Variants in DCAF4 observed in about 807,000 individuals in gnomAD.
DCAF4 encodes DDB1 and CUL4 associated factor 4, also known as DDB1- and CUL4-associated factor 4.
A neutral mutation model predicts 60.9 loss-of-function variants in DCAF4; 37 were observed. The observed-to-expected ratio is 0.61, with a 90% CI of 0.47 to 0.80. The LOEUF (loss-of-function observed/expected upper bound fraction) is 0.80. Ranked by LOEUF, DCAF4 falls within the 30% of genes least tolerant of loss-of-function variation. The pLI is 0.00. For synonymous variants in DCAF4, 243 were observed against 254.8 expected (o/e 0.95, Z 0.44); for missense variants, 577 against 650.0 (o/e 0.89, Z 1.22).
At chr14:72,932,224 C>T (rs1888673489) in intron 1 of DCAF4, among the ~76,000 whole-genome samples, 1 of 152,096 alleles carries the variant, frequency 6.6e-6, no homozygotes, top group East Asian at 1.9e-4. Flanking sequence ...CTCCTGACCT[C>T]AGGCGATCTG....
downstream of DCAF4, among the ~76,000 whole-genome samples, chr14:72,960,226 C>T (rs568446705): frequency 1.3e-5 from 2 of 151,844 alleles, no homozygotes; most frequent in Non-Finnish European, 2.9e-5. Flanking sequence ...GCGCTCTCAC[C>T]GCACCCTCCA....
intron 8 of DCAF4, among the ~76,000 whole-genome samples, chr14:72,948,076 G>C (rs375396587): frequency 9.2e-5 from 14 of 152,184 alleles, no homozygotes; most frequent in Admixed American, 3.3e-4. Context: ...TCCTGTGAAG[G>C]CACCTAGCAG....
chr14:72,928,978 G>GC (rs1035418650), intron 1 of DCAF4, among the ~76,000 whole-genome samples: 7 of 23,102 alleles, frequency 3.0e-4, no homozygotes, highest in East Asian at 9.2e-4. Flanking sequence ...CTACCTCCCA[G>GC]GGGAGGCGAG....
At chr14:72,949,648 G>A (rs929086461) in intron 8 of DCAF4, among the ~76,000 whole-genome samples, 2 of 151,942 alleles carry the variant, frequency 1.3e-5, no homozygotes, top group African/African-American at 4.8e-5. Flanking sequence ...CCAGCTATTC[G>A]GGAAGTTGAG....
In DCAF4 at chr14:72,954,428, A is replaced by G. The variant is rs1248130741; in HGVS notation, c.950A>G (p.His317Arg). 1 of 1,614,220 alleles carries G rather than the reference A, an allele frequency of 6.2e-7. No homozygotes were observed. The highest frequency in any genetic ancestry group is 8.5e-7 in the Non-Finnish European group (1 of 1,180,032). ...CTGTTGACCAACGTGGTGACGGGAC[A>G]CCGGCAGTCCTTTGGGACCAACAGT... Reference protein sequence around the residue: ...RVLLTNVVTGHRQSFGTNSDV... With the variant: ...RVLLTNVVTGRRQSFGTNSDV... Residue 317 changes from histidine (H) to arginine (R), a missense_variant, in exon 11 of 14, where the codon CAC becomes CGC. Coordinates refer to ENST00000358377, the MANE Select transcript of DCAF4 (RefSeq NM_015604.4).
chr14:72,947,323 T>C (rs1890863953), intron 8 of DCAF4, 132 bp downstream of exon 8: 2 of 1,073,066 alleles, frequency 1.9e-6, no homozygotes, highest in African/African-American at 3.1e-5. Flanking sequence ...CATCTCACGC[T>C]TTAGAAAAAA....
chr14:72,954,293 GAGGCCTTAAC>G, intron 10 of DCAF4, 31 bp downstream of exon 10: 1 of 1,613,636 alleles, frequency 6.2e-7, no homozygotes, highest in Non-Finnish European at 8.5e-7. Context: ...GCCCAGAGAA[GAGGCCTTAAC>G]AGGCCTTAAA....
intron 1 of DCAF4, among the ~76,000 whole-genome samples, chr14:72,927,778 T>C (rs1345847027): frequency 6.6e-6 from 1 of 152,148 alleles, no homozygotes; most frequent in Non-Finnish European, 1.5e-5. Flanking sequence ...ATTTGTAAAA[T>C]AGGATTGAAA....
At position 72,956,467 on chromosome 14, in the gene DCAF4, C is replaced by T. The variant is rs1384431721; in HGVS notation, c.1261C>T (p.His421Tyr). The change falls in exon 13 of 14, where the codon CAT becomes TAT. Residue 421 changes from histidine (H) to tyrosine (Y), a missense_variant. By Grantham distance (83) the His-to-Tyr change is moderately conservative. Transcript: ENST00000358377. ...HVNEYAYLPL[H>Y]VHEEEGILVA... is the part of the protein sequence containing the mutation. Reference sequence around the variant, plus strand: ...GAATGAGTACGCCTACCTGCCCCTGCATGTGCACGAGGAAGAAGGAATCCT... The same window carrying T: ...GAATGAGTACGCCTACCTGCCCCTGTATGTGCACGAGGAAGAAGGAATCCT... The T allele has an allele frequency of 6.8e-6, 11 of 1,613,344 alleles. No individual in the cohort carries two copies. Among genetic ancestry groups the T allele is most frequent in the Non-Finnish European group, 9.3e-6 (11 of 1,179,678 alleles).
At chr14:72,960,557 T>C (rs77152358), downstream of DCAF4, 12 of 1,017,786 alleles carry the variant, frequency 1.2e-5, no homozygotes, top group East Asian at 7.2e-4. Flanking sequence ...CCCCTCAGCA[T>C]TGTGGCTGAC....
chr14:72,953,763 A>ATATATATATATG (rs1327466108), intron 9 of DCAF4, among the ~76,000 whole-genome samples: 17 of 38,138 alleles, frequency 4.5e-4, no homozygotes, highest in African/African-American at 1.6e-3. Flanking sequence ...ATATATATAT[A>ATATATATATATG]GTTTATTTAT....
chr14:72,944,279 A>G (rs1890438739), intron 6 of DCAF4, among the ~76,000 whole-genome samples: 1 of 152,152 alleles, frequency 6.6e-6, no homozygotes, highest in African/African-American at 2.4e-5. Context: ...GCACCTGGAG[A>G]GCAGTTTTTC....
chr14:72,944,524 G>T (rs1404743340), intron 6 of DCAF4, among the ~76,000 whole-genome samples: 1 of 152,218 alleles, frequency 6.6e-6, no homozygotes, highest in Non-Finnish European at 1.5e-5. Context: ...CTGGCACAGT[G>T]GTTCATGCCT....
intron 1 of DCAF4, 171 bp downstream of exon 1, chr14:72,926,714 C>A (rs1354269267): frequency 1.3e-5 from 2 of 152,344 alleles, no homozygotes; most frequent in Admixed American, 1.3e-4. Context: ...GCCTAGGTGG[C>A]AGCTGGGCCG....
intron 11 of DCAF4, 47 bp from the exon 12 acceptor site, chr14:72,955,476 G>C (rs1892144456): frequency 2.5e-6 from 4 of 1,595,758 alleles, no homozygotes; most frequent in Admixed American, 1.7e-5. Context: ...CCCAGCCTCA[G>C]AGGGATGTCA....
chr14:72,955,004 G>T (rs546224684), intron 11 of DCAF4, among the ~76,000 whole-genome samples: 1 of 151,920 alleles, frequency 6.6e-6, no homozygotes, highest in African/African-American at 2.4e-5. Context: ...AATCCCAGCT[G>T]CTCGAGAGAC....
rs767982933 is a variant in DCAF4 at position 72,958,799 on chromosome 14, C to A, written c.1482C>A (p.Tyr494Ter). ...GGCAGGACCTTTACTGTTACTCCTACAGCTAATTCTGCAGGGCACAGCCCA... is the reference window on the plus strand; with the variant it reads ...GGCAGGACCTTTACTGTTACTCCTAAAGCTAATTCTGCAGGGCACAGCCCA... ...AVGQDLYCYS[Y>*]S The change falls in exon 14 of 14, where the codon TAC becomes TAA. Residue 494 changes from tyrosine (Y) to a stop codon, truncating the protein, a stop_gained. Coordinates refer to ENST00000358377, the MANE Select transcript of DCAF4 (RefSeq NM_015604.4). LOFTEE classifies it high-confidence loss of function. 1 of 1,558,514 alleles carries A rather than the reference C, an allele frequency of 6.4e-7. No homozygotes were observed. The highest frequency in any genetic ancestry group is 1.2e-5 in the South Asian group (1 of 80,818).
At chr14:72,928,485 G>A (rs908792406) in intron 1 of DCAF4, among the ~76,000 whole-genome samples, 5 of 151,188 alleles carry the variant, frequency 3.3e-5, no homozygotes, top group African/African-American at 4.9e-5. Flanking sequence ...ATGAGCCACC[G>A]CGCCCGGCCA....
At chr14:72,927,404 T>C (rs1031203022) in intron 1 of DCAF4, among the ~76,000 whole-genome samples, 14 of 135,368 alleles carry the variant, frequency 1.0e-4, no homozygotes, top group Middle Eastern at 4.2e-3. Flanking sequence ...CAGGCTGGAG[T>C]GCAGTGGCAC....
Sources: gnomAD v4.1 joint callset for allele counts (sites outside exome capture counted in the v4.1 genomes callset) on GRCh38, gnomAD v4.1.1 for gene constraint, MANE v1.5 for transcripts, NCBI Gene and HGNC (gene_info 2026-07-23, HGNC 2026-07-21) for gene names.